NRG3: variants seen among roughly 807,000 people sequenced by gnomAD.
NRG3 encodes the protein neuregulin 3.
A neutral mutation model predicts 66.9 loss-of-function variants in NRG3; 31 were observed. The ratio of observed to expected loss-of-function variants is 0.46; its 90% CI spans 0.35 to 0.63. The LOEUF (loss-of-function observed/expected upper bound fraction) is 0.63, where lower values mean the gene tolerates loss of function less well. NRG3 is among the 20% of genes least tolerant of loss of function. The pLI is 0.00. For synonymous variants in NRG3, 393 were observed against 359.4 expected (o/e 1.09, Z -1.06); for missense variants, 910 against 878.9 (o/e 1.04, Z -0.45).
chr10:81,943,796 A>G (rs1848599646), intron 1 of NRG3, among the ~76,000 whole-genome samples: 1 of 152,214 alleles, frequency 6.6e-6, no homozygotes, highest in South Asian at 2.1e-4. Flanking sequence ...GTGGTGCTTT[A>G]TACTGTAGTT....
intron 1 of NRG3, among the ~76,000 whole-genome samples, chr10:82,245,978 G>GTTTTTTTTTTTTTTTTTTTT (rs372596396): frequency 1.9e-5 from 2 of 103,292 alleles, no homozygotes; most frequent in Non-Finnish European, 1.9e-5. Flanking sequence ...CAGTCTTCTG[G>GTTTTTTTTTTTTTTTTTTTT]TTTTTTTTTT....
intron 3 of NRG3, among the ~76,000 whole-genome samples, chr10:82,774,825 T>C (rs917342741): frequency 3.6e-4 from 49 of 136,756 alleles, no homozygotes; most frequent in East Asian, 1.0e-3. Context: ...TTTTTTCTTT[T>C]TTTTTTTTTT....
intron 1 of NRG3, among the ~76,000 whole-genome samples, chr10:82,159,555 G>A (rs896703434): frequency 6.6e-6 from 1 of 151,754 alleles, no homozygotes; most frequent in Admixed American, 6.6e-5. Context: ...AGTACCCTGG[G>A]TTCACTCCAG....
chr10:81,905,419 T>G (rs922317243), intron 1 of NRG3, among the ~76,000 whole-genome samples: 4 of 152,196 alleles, frequency 2.6e-5, no homozygotes, highest in African/African-American at 9.7e-5. Context: ...AGTTACAGGG[T>G]TGAGTTGGGA....
At chr10:82,359,712 A>T (rs112778343) in intron 2 of NRG3, among the ~76,000 whole-genome samples, 2 of 151,956 alleles carry the variant, frequency 1.3e-5, no homozygotes, top group Non-Finnish European at 2.9e-5. Context: ...ATATATCCAC[A>T]CCCCTTTTCT....
intron 2 of NRG3, among the ~76,000 whole-genome samples, chr10:82,708,413 G>C (rs1185340791): frequency 1.3e-5 from 2 of 152,178 alleles, no homozygotes; most frequent in Non-Finnish European, 2.9e-5. Flanking sequence ...TGTCACCCAA[G>C]TAATAAGCAT....
intron 4 of NRG3, among the ~76,000 whole-genome samples, chr10:82,871,026 G>T (rs1436398382): frequency 6.6e-6 from 1 of 152,094 alleles, no homozygotes; most frequent in Non-Finnish European, 1.5e-5. Context: ...TCTCATATGT[G>T]ATCTGCTAGG....
At chr10:82,819,471 C>T (rs1382062272) in intron 3 of NRG3, among the ~76,000 whole-genome samples, 1 of 152,196 alleles carries the variant, frequency 6.6e-6, no homozygotes, top group African/African-American at 2.4e-5. Flanking sequence ...GCTGCAATTT[C>T]CCAGCAGTGT....
intron 1 of NRG3, among the ~76,000 whole-genome samples, chr10:81,947,919 G>A (rs1012358873): frequency 3.9e-5 from 6 of 152,038 alleles, no homozygotes; most frequent in African/African-American, 1.4e-4. Flanking sequence ...ATAATATTAA[G>A]AAGTTTACTT....
intron 3 of NRG3, among the ~76,000 whole-genome samples, chr10:82,754,546 A>G (rs2134983040): frequency 6.6e-6 from 1 of 152,080 alleles, no homozygotes; most frequent in African/African-American, 2.4e-5. Context: ...AAGAAAAAAA[A>G]AAAAAGCAGA....
At chr10:82,212,870 A>G (rs73304627) in intron 1 of NRG3, among the ~76,000 whole-genome samples, 15,132 of 152,254 alleles carry the variant, frequency 0.099, 1,288 homozygotes, top group African/African-American at 0.23. Flanking sequence ...AAAGGAAAAT[A>G]TTTAAAAAGT....
intron 2 of NRG3, among the ~76,000 whole-genome samples, chr10:82,429,883 A>T (rs923529152): frequency 6.6e-6 from 1 of 152,160 alleles, no homozygotes; most frequent in African/African-American, 2.4e-5. Flanking sequence ...CCGGTTCATT[A>T]TTCTGACAGT....
intron 1 of NRG3, among the ~76,000 whole-genome samples, chr10:81,982,837 G>A (rs1057366440): frequency 2.6e-5 from 4 of 152,074 alleles, no homozygotes; most frequent in Non-Finnish European, 1.5e-5. Flanking sequence ...GGGAGTTAGC[G>A]TTTCAACATA....
At chr10:82,521,622 G>GA (rs201166141) in intron 2 of NRG3, among the ~76,000 whole-genome samples, 1,710 of 152,210 alleles carry the variant, frequency 0.011, 16 homozygotes, top group Middle Eastern at 0.068. Flanking sequence ...TTACAGGCAT[G>GA]GCCACCGTGC....
chr10:82,437,353 A>G (rs1430908044), intron 2 of NRG3, among the ~76,000 whole-genome samples: 2 of 151,594 alleles, frequency 1.3e-5, no homozygotes, highest in Non-Finnish European at 2.9e-5. Flanking sequence ...TGTATGCTTC[A>G]TGAAGTTCTT....
intron 2 of NRG3, among the ~76,000 whole-genome samples, chr10:82,702,691 G>GT (rs1207223088): frequency 6.6e-6 from 1 of 152,094 alleles, no homozygotes; most frequent in African/African-American, 2.4e-5. Context: ...TGTTGTTGTT[G>GT]TTTTTTCTCA....
intron 1 of NRG3, among the ~76,000 whole-genome samples, chr10:82,157,591 A>G (rs574566484): frequency 6.6e-5 from 10 of 151,626 alleles, no homozygotes; most frequent in Non-Finnish European, 7.4e-5. Context: ...CAACATACCT[A>G]TACAGTGTCA....
At chr10:82,837,128 A>C (rs2062822627) in intron 3 of NRG3, among the ~76,000 whole-genome samples, 1 of 152,116 alleles carries the variant, frequency 6.6e-6, no homozygotes, top group African/African-American at 2.4e-5. Flanking sequence ...ACATTTTCTT[A>C]ATCCAGTCTA....
At chr10:82,780,475 C>CTTTTTTTTTTTTT (rs1409952252) in intron 3 of NRG3, among the ~76,000 whole-genome samples, 6 of 109,438 alleles carry the variant, frequency 5.5e-5, no homozygotes, top group South Asian at 3.0e-4. Context: ...TTTTTTTTTT[C>CTTTTTTTTTTTTT]TTTTCTTTTT....
Sources: allele counts gnomAD v4.1 joint callset (sites outside exome capture counted in the v4.1 genomes callset), GRCh38; gene constraint gnomAD v4.1.1; transcripts MANE v1.5; gene names NCBI Gene and HGNC (gene_info 2026-07-23, HGNC 2026-07-21).